Variants in IMPG2 observed in about 807,000 individuals in gnomAD.
IMPG2 encodes IPM 200.
IMPG2 carries 91 observed loss-of-function variants against 129.2 expected under a neutral mutation model. That is an observed-to-expected ratio of 0.70 (90% CI 0.59 to 0.84). The LOEUF (loss-of-function observed/expected upper bound fraction) is 0.84. Among genes scored for constraint, IMPG2 ranks in the 40% least tolerant of loss-of-function variants. The pLI is 0.00. For synonymous variants in IMPG2, 510 were observed against 517.7 expected, an observed-to-expected ratio of 0.99 and a Z score of 0.20; for missense variants, 1,430 against 1,461.7, an observed-to-expected ratio of 0.98 and a Z score of 0.35.
chr3:101,246,924 C>T (rs1214456607), intron 11 of IMPG2, among the ~76,000 whole-genome samples: 3 of 151,598 alleles, frequency 2.0e-5, no homozygotes, highest in African/African-American at 4.8e-5. Context: ...ATAGCAAGAC[C>T]GCATCTCAAC....
chr3:101,245,921 G>A lies in IMPG2; in HGVS notation c.1424C>T (p.Ser475Phe). ...GCTGCTAACCTCTAAAACCTCTGGGGAAGAGCTGAGGCCCATCTTCGAGGG... is the reference window on the plus strand; with the variant it reads ...GCTGCTAACCTCTAAAACCTCTGGGAAAGAGCTGAGGCCCATCTTCGAGGG... ...AFPSKMGLSS[S>F]PEVLEVSSLT... Residue 475 changes from serine to phenylalanine, a missense_variant, in exon 12 of 19, where the codon TCC becomes TTC. Transcript: ENST00000193391. 6.2e-7 allele frequency: 1 copy of A among 1,614,176 alleles called. No individual in the cohort carries two copies. Among genetic ancestry groups the A allele is most frequent in the Non-Finnish European group, 8.5e-7 (1 of 1,180,008 alleles).
intron 14 of IMPG2, among the ~76,000 whole-genome samples, chr3:101,241,306 T>C (rs1576746835): frequency 6.6e-6 from 1 of 152,176 alleles, no homozygotes; most frequent in Admixed American, 6.6e-5. Flanking sequence ...AAGCGACATT[T>C]GAACTGAGGC....
intron 18 of IMPG2, chr3:101,227,886 TA>T (rs1706241540): frequency 2.2e-6 from 1 of 455,976 alleles, no homozygotes; most frequent in South Asian, 1.5e-5. Flanking sequence ...GAATTTTGAG[TA>T]AAGGGGCAGG....
intron 3 of IMPG2, among the ~76,000 whole-genome samples, chr3:101,298,356 CCTGT>C (rs201127612): frequency 0.018 from 2,664 of 152,078 alleles, 86 homozygotes; most frequent in African/African-American, 0.061. Flanking sequence ...ATCCAATTTG[CCTGT>C]CTGTGTCTTT....
At chr3:101,254,495 G>T (rs1177379258) in intron 10 of IMPG2, among the ~76,000 whole-genome samples, 3 of 152,040 alleles carry the variant, frequency 2.0e-5, no homozygotes, top group African/African-American at 7.2e-5. Flanking sequence ...GCCCACGGGG[G>T]AGAGGGAATC....
chr3:101,258,871 G>T (rs1706640755), intron 9 of IMPG2, among the ~76,000 whole-genome samples: 1 of 152,152 alleles, frequency 6.6e-6, no homozygotes, highest in Admixed American at 6.6e-5. Flanking sequence ...CTAACAGTTT[G>T]TAAGTGCTGA....
rs192899356 is a variant in IMPG2, at chr3:101,258,494, G to A, written c.909-721C>T. On this transcript the variant is annotated intron_variant, in intron 9 of 18. Coordinates refer to ENST00000193391, the MANE Select transcript of IMPG2 (RefSeq NM_016247.4). ...ACCCTCCAGGGCATTAACCAATTTT[G>A]TATGTAACTTAGTAATCTGTTCCCA... Among the ~76,000 whole-genome samples the A allele has an allele frequency of 1.4e-3, 219 of 152,166 alleles. 1 individual carries two copies. Among genetic ancestry groups the A allele is most frequent in the Non-Finnish European group, 2.5e-3 (171 of 67,980 alleles).
Position 101,264,386 on chromosome 3 carries a change from G to C in IMPG2, c.908+3125C>G. Among the ~76,000 whole-genome samples, 2 of 152,010 alleles carry C rather than the reference G, an allele frequency of 1.3e-5. 1 individual carries two copies. On this transcript the variant is annotated intron_variant, in intron 9 of 18. Coordinates refer to ENST00000193391, the MANE Select transcript of IMPG2 (RefSeq NM_016247.4). ...GTAGGATTTATCCCAGGAATGCAAG[G>C]ATTGTTCAACATATGCAAATCAATA...
intron 10 of IMPG2, among the ~76,000 whole-genome samples, chr3:101,255,759 T>C (rs1706591670): frequency 6.6e-6 from 1 of 152,076 alleles, no homozygotes; most frequent in Non-Finnish European, 1.5e-5. Context: ...CTGTTCACTA[T>C]TTTATCTAGC....
At chr3:101,264,151 T>A (rs1706698306) in intron 9 of IMPG2, among the ~76,000 whole-genome samples, 1 of 151,990 alleles carries the variant, frequency 6.6e-6, no homozygotes, top group Non-Finnish European at 1.5e-5. Flanking sequence ...TTCTACAGAA[T>A]CTTTAAAGAA....
At chr3:101,261,707 C>G (rs1451682395) in intron 9 of IMPG2, among the ~76,000 whole-genome samples, 1 of 152,004 alleles carries the variant, frequency 6.6e-6, no homozygotes, top group Non-Finnish European at 1.5e-5. Flanking sequence ...TTTTGAGTGC[C>G]AAGAACATCA....
chr3:101,228,703 G>T, intron 18 of IMPG2, 94 bp downstream of exon 18: 3 of 992,420 alleles, frequency 3.0e-6, no homozygotes, highest in South Asian at 1.3e-5. Flanking sequence ...CTGTCACATG[G>T]ACAGGAAATT....
chr3:101,255,001 C>T (rs1244481774), intron 10 of IMPG2, among the ~76,000 whole-genome samples: 3 of 152,004 alleles, frequency 2.0e-5, no homozygotes, highest in Admixed American at 6.6e-5. Flanking sequence ...GACGTGCTTG[C>T]TTCCCCTTCA....
intron 9 of IMPG2, among the ~76,000 whole-genome samples, chr3:101,262,728 T>A (rs1290640988): frequency 6.7e-6 from 1 of 149,122 alleles, no homozygotes; most frequent in East Asian, 2.0e-4. Flanking sequence ...TTAAATAGGT[T>A]AAATTATCCA....
intron 12 of IMPG2, 96 bp downstream of exon 12, chr3:101,245,706 T>TA: frequency 8.9e-7 from 1 of 1,120,644 alleles, no homozygotes; most frequent in Non-Finnish European, 1.4e-6. Context: ...TAATGAATGC[T>TA]ACCATGTTTT....
intron 2 of IMPG2, among the ~76,000 whole-genome samples, chr3:101,316,239 C>T (rs1388311429): frequency 6.6e-6 from 1 of 151,876 alleles, no homozygotes; most frequent in East Asian, 1.9e-4. Context: ...GATGCTCCCC[C>T]AAAAAGCCTG....
intron 16 of IMPG2, among the ~76,000 whole-genome samples, chr3:101,230,681 C>A (rs1163204708): frequency 1.3e-5 from 2 of 152,192 alleles, no homozygotes; most frequent in Admixed American, 6.5e-5. Flanking sequence ...TTCTCTCCAG[C>A]AAATTACCAC....
chr3:101,302,299 A>C (rs1253924248), intron 3 of IMPG2, among the ~76,000 whole-genome samples: 1 of 152,246 alleles, frequency 6.6e-6, no homozygotes, highest in African/African-American at 2.4e-5. Context: ...TGGTAATACT[A>C]ACCCATCATA....
chr3:101,307,837 C>G (rs1050266181), intron 2 of IMPG2, among the ~76,000 whole-genome samples: 4 of 152,174 alleles, frequency 2.6e-5, no homozygotes, highest in Non-Finnish European at 5.9e-5. Flanking sequence ...AACCAAAAGT[C>G]CAAGTCCAAA....
Sources: allele counts gnomAD v4.1 joint callset (sites outside exome capture counted in the v4.1 genomes callset), GRCh38; gene constraint gnomAD v4.1.1; transcripts MANE v1.5; gene names NCBI Gene and HGNC (gene_info 2026-07-23, HGNC 2026-07-21).